Variants in NDRG4 observed in about 807,000 individuals in gnomAD.
NDRG4 encodes the protein NDRG family member 4.
In NDRG4, 38 loss-of-function variants were observed where a neutral mutation model predicts 55.8. That is an observed-to-expected ratio of 0.68 (90% CI 0.53 to 0.89). NDRG4 has a LOEUF of 0.89. Ranked by LOEUF, NDRG4 falls within the 40% of genes least tolerant of loss-of-function variation. The pLI is 0.00. For missense variants in NDRG4, 455 were observed against 468.6 expected (o/e 0.97, Z 0.27); for synonymous variants, 190 against 182.7 (o/e 1.04, Z -0.32).
Position 58,513,397 on chromosome 16 carries a change from A to G in NDRG4, c.*1821A>G, listed in dbSNP as rs1208042578. On this transcript the variant is annotated 3_prime_UTR_variant, in exon 15 of 15. Coordinates refer to ENST00000570248, the MANE Select transcript of NDRG4 (RefSeq NM_001242835.2). The stretch of plus-strand genomic sequence containing the variant: ...AAGAGTTAACTGTGCTGAAAAACTA[A>G]TAAAGAACCTAAGAAGAATTCCAGT... 1 of 152,218 alleles carries G rather than the reference A, an allele frequency of 6.6e-6. No homozygotes were observed. Among genetic ancestry groups the G allele is most frequent in the South Asian group, 2.1e-4 (1 of 4,828 alleles). 9.4% of individuals were successfully genotyped at this position (152,218 alleles called of 1,614,324 possible). A position where few individuals can be genotyped will look rare whatever the true frequency, so the allele number is the denominator to read the frequency against.
rs1480395914 is a variant in NDRG4 at position 58,500,176 on chromosome 16, C to T, written c.-73C>T. 3.3e-6 allele frequency: 5 copies of T among 1,535,876 alleles called. No homozygotes were observed. In the South Asian group the frequency reaches 3.6e-5, roughly 11 times the overall value. ...GACCATCTCCCACTCGAGCTGCCCC[C>T]GCCCTCTGGACCCGAGTGACTCAGG... On this transcript the variant is annotated 5_prime_UTR_variant, in exon 1 of 15. Transcript: ENST00000570248.
chr16:58,486,142 G>A (rs1364587392), intron 1 of NDRG4, among the ~76,000 whole-genome samples: 1 of 152,036 alleles, frequency 6.6e-6, no homozygotes, highest in Non-Finnish European at 1.5e-5. Context: ...AATGCCATTG[G>A]CAAAAAAAGA....
At chr16:58,494,072 G>A (rs986684183) in intron 2 of NDRG4, among the ~76,000 whole-genome samples, 1 of 152,176 alleles carries the variant, frequency 6.6e-6, no homozygotes, top group Non-Finnish European at 1.5e-5. Context: ...TCCCCTCATC[G>A]GTGAAGCCTG....
chr16:58,504,252 G>C lies in NDRG4; in HGVS notation c.226G>C (p.Gly76Arg), dbSNP rs752610984. The part of the protein sequence containing the change: ...CHVDAPGQQV[G>R]ASQFPQGYQF... ...CGTGGATGCCCCTGGACAACAGGTGGGGGCGTCGCAGTTTCCTCAGGGGTA... is the reference window on the plus strand; with the variant it reads ...CGTGGATGCCCCTGGACAACAGGTGCGGGCGTCGCAGTTTCCTCAGGGGTA... The change falls in exon 3 of 15, where the codon GGG (glycine) becomes CGG (arginine). Residue 76 changes from glycine (G) to arginine (R), a missense_variant. Coordinates refer to ENST00000570248, the MANE Select transcript of NDRG4 (RefSeq NM_001242835.2). 1.2e-6 allele frequency: 2 copies of C among 1,614,128 alleles called. No homozygotes were observed. The highest frequency in any genetic ancestry group is 1.7e-6 in the Non-Finnish European group (2 of 1,180,016).
Position 58,512,002 on chromosome 16 carries a change from C to T in NDRG4, c.*426C>T. ...CACTGGCGTGGGAGCCCTGGGAGAC[C>T]CCTTCCCCCACCCTCCACCAAGCAC... On this transcript the variant is annotated 3_prime_UTR_variant, in exon 15 of 15. Coordinates refer to ENST00000570248, the MANE Select transcript of NDRG4 (RefSeq NM_001242835.2). 1 of 461,066 alleles carries T rather than the reference C, an allele frequency of 2.2e-6. No individual in the cohort carries two copies. The highest frequency in any genetic ancestry group is 1.5e-5 in the South Asian group (1 of 64,556). 28.6% of individuals were successfully genotyped at this position (461,066 alleles called of 1,614,324 possible). A position where few individuals can be genotyped will look rare whatever the true frequency, so the allele number is the denominator to read the frequency against.
At position 58,509,396 on chromosome 16, in the gene NDRG4, G is replaced by A. The variant is rs114297626; in HGVS notation, c.865+44G>A. On this transcript the variant is annotated intron_variant, in intron 13 of 14. Coordinates refer to ENST00000570248, the MANE Select transcript of NDRG4 (RefSeq NM_001242835.2). ...CACCCCACACCACCTAGAGACCGGTGGGCAGGCAGTGCTGGGGTTGGGGCT... is the reference window on the plus strand; with the variant it reads ...CACCCCACACCACCTAGAGACCGGTAGGCAGGCAGTGCTGGGGTTGGGGCT... 180 of 1,602,196 alleles carry A rather than the reference G, an allele frequency of 1.1e-4. No individual in the cohort carries two copies. The African/African-American group carries it at 2.1e-3, about 19-fold the overall frequency.
At chr16:58,477,690 A>G (rs1423181114) in intron 1 of NDRG4, among the ~76,000 whole-genome samples, 4 of 152,086 alleles carry the variant, frequency 2.6e-5, no homozygotes, top group East Asian at 1.9e-4. Context: ...AGGAAAAAAA[A>G]AAAGAAAATT....
intron 1 of NDRG4, among the ~76,000 whole-genome samples, chr16:58,477,275 G>T (rs1011232092): frequency 1.3e-5 from 2 of 152,134 alleles, no homozygotes; most frequent in Non-Finnish European, 2.9e-5. Flanking sequence ...CACACCTGGT[G>T]TCCAGATCTT....
At chr16:58,497,512 C>T (rs879901356), upstream of NDRG4, among the ~76,000 whole-genome samples, 1 of 151,828 alleles carries the variant, frequency 6.6e-6, no homozygotes, top group Non-Finnish European at 1.5e-5. Flanking sequence ...AATTACCTAA[C>T]CTCTCCAACT....
intron 1 of NDRG4, among the ~76,000 whole-genome samples, chr16:58,482,470 G>A (rs911004425): frequency 6.6e-6 from 1 of 151,992 alleles, no homozygotes; most frequent in Admixed American, 6.6e-5. Flanking sequence ...GCAGCTGTGG[G>A]GGGTAGAGTG....
At chr16:58,500,891 C>A in intron 1 of NDRG4, 1 of 794,758 alleles carries the variant, frequency 1.3e-6, no homozygotes, top group Non-Finnish European at 1.7e-6. Flanking sequence ...CGGGCAGAGG[C>A]AAGGAGGTCT....
At chr16:58,487,820 G>C (rs963712873) in exon 2 of NDRG4, 1 of 1,542,732 alleles carries the variant, frequency 6.5e-7, no homozygotes, top group Non-Finnish European at 8.7e-7. Context: ...AGGAGAAGCC[G>C]CTGCTCCGGG....
Position 58,485,218 on chromosome 16 carries a change from T to C in NDRG4, c.-23-2538T>C, listed in dbSNP as rs1000069529. Among the ~76,000 whole-genome samples the C allele has an allele frequency of 2.8e-4, 43 of 152,168 alleles. 1 individual carries two copies. Among genetic ancestry groups the C allele is most frequent in the African/African-American group, 1.0e-3 (43 of 41,450 alleles). The stretch of plus-strand genomic sequence containing the variant: ...TTTAGAAGAAACTTCTCTGCCACCG[T>C]GCTGTGGAAATGTCTGCTCTGGCGT... On this transcript the variant is annotated intron_variant, in intron 1 of 15. Coordinates refer to the NDRG4 transcript ENST00000258187.
chr16:58,484,069 G>T (rs547304828), intron 1 of NDRG4, among the ~76,000 whole-genome samples: 25 of 150,942 alleles, frequency 1.7e-4, no homozygotes, highest in African/African-American at 5.6e-4. Flanking sequence ...GCAGAGCCAG[G>T]GTTTGTTTTG....
intron 1 of NDRG4, among the ~76,000 whole-genome samples, chr16:58,474,152 T>A (rs186691034): frequency 6.8e-6 from 1 of 147,450 alleles, no homozygotes; most frequent in Non-Finnish European, 1.5e-5. Context: ...TTCTCCTGCC[T>A]CAGCCTCCCA....
downstream of NDRG4, among the ~76,000 whole-genome samples, chr16:58,514,090 C>T (rs62040072): frequency 0.047 from 7,142 of 152,288 alleles, 417 homozygotes; most frequent in East Asian, 0.26. Context: ...TACTCTTTGC[C>T]TTCTCCTAAA....
rs1375802341 is a variant in NDRG4 at position 58,500,229 on chromosome 16, G to A, written c.-20G>A. On this transcript the variant is annotated 5_prime_UTR_variant, in exon 1 of 15. Transcript: ENST00000570248. ...TTTGTTTGTCCTTCCTGGTAGAGGC[G>A]GGTTCCCTCCCTCGGCAAGATGCCG... is the stretch of plus-strand genomic sequence containing the variant. 5 of 1,536,046 alleles carry A rather than the reference G, an allele frequency of 3.3e-6. No individual in the cohort carries two copies. The highest frequency in any genetic ancestry group is 3.5e-6 in the Non-Finnish European group (4 of 1,146,864).
At chr16:58,468,813 G>C (rs1329341795) in intron 1 of NDRG4, among the ~76,000 whole-genome samples, 1 of 152,236 alleles carries the variant, frequency 6.6e-6, no homozygotes, top group Non-Finnish European at 1.5e-5. Flanking sequence ...TCAGAGGGCA[G>C]ATTCCTGGTG....
In NDRG4 at chr16:58,513,445, G is replaced by A. The variant is rs2039004250; in HGVS notation, c.*1869G>A. Reference sequence around the variant, plus strand: ...AGTGTGGTGATGCCATGCCCATCATGGGAGGCTTTTGGAGAAACAGAATGT... The same window carrying A: ...AGTGTGGTGATGCCATGCCCATCATAGGAGGCTTTTGGAGAAACAGAATGT... On this transcript the variant is annotated 3_prime_UTR_variant, in exon 15 of 15. Transcript: ENST00000570248. 1 of 152,198 alleles carries A rather than the reference G, an allele frequency of 6.6e-6. No individual in the cohort carries two copies. The highest frequency in any genetic ancestry group is 6.5e-5 in the Admixed American group (1 of 15,290). The allele number at this position is 152,198 out of a possible 1,614,324, so 9.4% of individuals were successfully genotyped here.
Sources: gnomAD v4.1 joint callset for allele counts (sites outside exome capture counted in the v4.1 genomes callset) on GRCh38, gnomAD v4.1.1 for gene constraint, MANE v1.5 for transcripts, NCBI Gene and HGNC (gene_info 2026-07-23, HGNC 2026-07-21) for gene names.